The following DOK5 variants were observed in gnomAD, a reference collection of about 807,000 sequenced individuals.
DOK5 encodes downstream of tyrosine kinase 5.
Under a neutral mutation model 43.3 loss-of-function variants are expected in DOK5, and 27 were observed. The ratio of observed to expected loss-of-function variants is 0.62; its 90% CI spans 0.46 to 0.86. The LOEUF is 0.86. DOK5 is among the 40% of genes least tolerant of loss of function. The pLI is 0.00. For synonymous variants in DOK5, 146 were observed against 140.1 expected (o/e 1.04, Z -0.30); for missense variants, 373 against 392.9 (o/e 0.95, Z 0.43).
chr20:54,575,408 T>C (rs1258154237), intron 2 of DOK5, among the ~76,000 whole-genome samples: 3 of 152,188 alleles, frequency 2.0e-5, no homozygotes, highest in Non-Finnish European at 4.4e-5. Context: ...CTTAGTTGTG[T>C]AAATGGCTTT....
chr20:54,494,929 T>C (rs1480019548), intron 1 of DOK5: 1 of 151,694 alleles, frequency 6.6e-6, no homozygotes, highest in East Asian at 2.0e-4. Flanking sequence ...AGACCAACCT[T>C]CTAAAGAGGG....
At chr20:54,478,865 A>G (rs900150248) in intron 1 of DOK5, among the ~76,000 whole-genome samples, 5 of 152,236 alleles carry the variant, frequency 3.3e-5, no homozygotes, top group African/African-American at 1.2e-4. Flanking sequence ...TAGGATTGGT[A>G]GACGGATATA....
chr20:54,527,695 A>G (rs922404107), intron 1 of DOK5, among the ~76,000 whole-genome samples: 1 of 152,246 alleles, frequency 6.6e-6, no homozygotes, highest in Non-Finnish European at 1.5e-5. Flanking sequence ...AGAATTCAAC[A>G]AAGTGGCAAA....
intron 1 of DOK5, among the ~76,000 whole-genome samples, chr20:54,505,689 A>G (rs908232334): frequency 6.6e-6 from 1 of 152,134 alleles, no homozygotes; most frequent in African/African-American, 2.4e-5. Flanking sequence ...GGGAGATGCA[A>G]TTTTAATTAG....
intron 6 of DOK5, among the ~76,000 whole-genome samples, chr20:54,617,867 C>T (rs1986862943): frequency 6.6e-6 from 1 of 152,234 alleles, no homozygotes; most frequent in Non-Finnish European, 1.5e-5. Context: ...ATGCCCAACT[C>T]TTTAGTAATA....
At chr20:54,607,982 TGA>T (rs1986526789) in intron 5 of DOK5, among the ~76,000 whole-genome samples, 1 of 152,168 alleles carries the variant, frequency 6.6e-6, no homozygotes, top group South Asian at 2.1e-4. Flanking sequence ...TAATGGGTTA[TGA>T]TATAAATTAA....
intron 5 of DOK5, among the ~76,000 whole-genome samples, chr20:54,601,767 A>G (rs979586229): frequency 1.7e-4 from 26 of 152,206 alleles, no homozygotes; most frequent in African/African-American, 6.0e-4. Flanking sequence ...GAAGCTTTAT[A>G]TCTCATAAGG....
chr20:54,546,545 C>A (rs1984354821), intron 1 of DOK5, among the ~76,000 whole-genome samples: 1 of 149,072 alleles, frequency 6.7e-6, no homozygotes, highest in Non-Finnish European at 1.5e-5. Flanking sequence ...CTATCCCTCC[C>A]CCCTCCCCTG....
intron 2 of DOK5, among the ~76,000 whole-genome samples, chr20:54,581,044 G>T (rs1244162527): frequency 1.3e-5 from 2 of 151,966 alleles, no homozygotes; most frequent in African/African-American, 2.4e-5. Context: ...ATTTTGAATT[G>T]ATTTTTTGTT....
rs6091932 is a variant in DOK5, at chr20:54,606,727, A to G, written c.600-3661A>G. ...ACATCAATTAGGAGGGGTGGATAAG[A>G]TAAAAGGACTTGTGGGTAGAGTATA... On this transcript the variant is annotated intron_variant, in intron 5 of 7. Transcript: ENST00000262593. Among the ~76,000 whole-genome samples, 1,258 of 152,312 alleles carry G rather than the reference A, an allele frequency of 8.3e-3. 19 individuals carry two copies. Among genetic ancestry groups the G allele is most frequent in the African/African-American group, 0.029 (1,202 of 41,566 alleles).
chr20:54,642,126 G>A (rs549817487), intron 6 of DOK5, among the ~76,000 whole-genome samples: 24 of 152,010 alleles, frequency 1.6e-4, no homozygotes, highest in Non-Finnish European at 2.6e-4. Context: ...CGTTGACCCC[G>A]TTCACCTTTC....
intron 1 of DOK5, among the ~76,000 whole-genome samples, chr20:54,550,715 A>G (rs1984500824): frequency 6.7e-6 from 1 of 149,352 alleles, no homozygotes; most frequent in Non-Finnish European, 1.5e-5. Flanking sequence ...TGTTGCAGAT[A>G]TTAATAGTCA....
intron 1 of DOK5, among the ~76,000 whole-genome samples, chr20:54,532,996 G>A (rs999905961): frequency 4.6e-5 from 7 of 152,280 alleles, no homozygotes; most frequent in Non-Finnish European, 5.9e-5. Context: ...GGTTTCCAAC[G>A]TGACAAGTAC....
chr20:54,490,061 C>T (rs1318710833), intron 1 of DOK5, among the ~76,000 whole-genome samples: 1 of 152,170 alleles, frequency 6.6e-6, no homozygotes, highest in Non-Finnish European at 1.5e-5. Flanking sequence ...AGTTTCAAGG[C>T]ATTTTATAAT....
chr20:54,559,620 C>T (rs968564422), intron 2 of DOK5, among the ~76,000 whole-genome samples: 4 of 152,178 alleles, frequency 2.6e-5, no homozygotes, highest in East Asian at 1.9e-4. Context: ...CACTGCAGCC[C>T]CTCATGGGCT....
chr20:54,633,221 C>A (rs1169427953), intron 6 of DOK5, among the ~76,000 whole-genome samples: 1 of 152,178 alleles, frequency 6.6e-6, no homozygotes, highest in African/African-American at 2.4e-5. Context: ...ACTGCTGACC[C>A]AGGGCCCAGA....
At chr20:54,604,862 G>C (rs761174791) in intron 5 of DOK5, among the ~76,000 whole-genome samples, 68 of 151,892 alleles carry the variant, frequency 4.5e-4, no homozygotes, top group Admixed American at 7.2e-4. Context: ...TTACCCAGGC[G>C]TGGTGGCAGG....
rs371972505 is a variant in DOK5, at chr20:54,592,148, G to C, written c.599+343G>C. Among the ~76,000 whole-genome samples the C allele has an allele frequency of 2.3e-4, 35 of 152,220 alleles. 1 individual carries two copies. Among genetic ancestry groups the C allele is most frequent in the African/African-American group, 8.2e-4 (34 of 41,550 alleles). On this transcript the variant is annotated intron_variant, in intron 5 of 7. Coordinates refer to ENST00000262593, the MANE Select transcript of DOK5 (RefSeq NM_018431.5). ...CAAGCTGAACAGAGGCCAGCTTCTTGATTTTGGAAAACTTCCATATTATTA... is the reference window on the plus strand; with the variant it reads ...CAAGCTGAACAGAGGCCAGCTTCTTCATTTTGGAAAACTTCCATATTATTA...
Position 54,646,248 on chromosome 20 carries a change from G to GTTTTTTTTTTTT in DOK5, c.856+2683_856+2694dup, listed in dbSNP as rs386394048. Among the ~76,000 whole-genome samples, 19 of 79,926 alleles carry GTTTTTTTTTTTT rather than the reference G, an allele frequency of 2.4e-4. 1 individual carries two copies. Among genetic ancestry groups the GTTTTTTTTTTTT allele is most frequent in the African/African-American group, 4.7e-4 (9 of 18,990 alleles). The allele number at this position is 79,926 out of a possible 152,430, so 52.4% of individuals were successfully genotyped here. A position where few individuals can be genotyped will look rare whatever the true frequency, so the allele number is the denominator to read the frequency against. ...TACTGTTATATCCACTGGTTATACT[G>GTTTTTTTTTTTT]TTTTTTTTTTTTTTTTTTTTTTTTG... is the stretch of plus-strand genomic sequence containing the variant. On this transcript the variant is annotated intron_variant, in intron 7 of 7. Transcript: ENST00000262593.
Sources: gnomAD v4.1 joint callset for allele counts (sites outside exome capture counted in the v4.1 genomes callset) on GRCh38, gnomAD v4.1.1 for gene constraint, MANE v1.5 for transcripts, NCBI Gene and HGNC (gene_info 2026-07-23, HGNC 2026-07-21) for gene names.